CSMD1: variants seen among roughly 807,000 people sequenced by gnomAD.
The protein encoded by CSMD1 is CUB and sushi domain-containing protein 1.
A neutral mutation model predicts 417.5 loss-of-function variants in CSMD1; 213 were observed. That is an observed-to-expected ratio of 0.51 (90% CI 0.46 to 0.57). The LOEUF is 0.57. CSMD1 is among the 20% of genes least tolerant of loss of function. The pLI is 0.00. For synonymous variants in CSMD1, 2,862 were observed against 1,736.8 expected, an observed-to-expected ratio of 1.65 and a Z score of -16.11; for missense variants, 6,923 against 4,529.7, an observed-to-expected ratio of 1.53 and a Z score of -15.17.
chr8:2,973,665 A>G (rs1437280739), intron 56 of CSMD1, among the ~76,000 whole-genome samples: 18 of 114,206 alleles, frequency 1.6e-4, no homozygotes, highest in South Asian at 5.5e-4. Flanking sequence ...GAATGTGGGG[A>G]AAAAAAAAAA....
chr8:4,804,490 G>C (rs1262926576), intron 1 of CSMD1, among the ~76,000 whole-genome samples: 1 of 150,060 alleles, frequency 6.7e-6, no homozygotes, highest in Non-Finnish European at 1.5e-5. Context: ...AGGGATTCCT[G>C]ACTGACTTTA....
intron 1 of CSMD1, among the ~76,000 whole-genome samples, chr8:4,700,407 G>C (rs900785281): frequency 2.0e-5 from 3 of 152,066 alleles, no homozygotes; most frequent in Middle Eastern, 3.4e-3. Context: ...GCTTTTACAA[G>C]TTTTATACTT....
At chr8:2,968,640 A>C (rs1419133072) in intron 57 of CSMD1, among the ~76,000 whole-genome samples, 2 of 152,188 alleles carry the variant, frequency 1.3e-5, no homozygotes, top group Non-Finnish European at 2.9e-5. Context: ...TATGAAAATG[A>C]CTAGAAGGCA....
In CSMD1 at chr8:4,787,578, C is replaced by G. The variant is rs983038075; in HGVS notation, c.86-150020G>C. The G allele has an allele frequency of 2.0e-6, 3 of 1,504,604 alleles. No individual in the cohort carries two copies. In the East Asian group the frequency reaches 6.8e-5, roughly 34 times the overall value. 93.2% of individuals were successfully genotyped at this position (1,504,604 alleles called of 1,614,324 possible). ...TGTGGGGAGACAGCTTTCATTGCAC[C>G]CCAGTGCGAAATGATTCCAATTGAA... On this transcript the variant is annotated intron_variant, in intron 1 of 69. Coordinates refer to ENST00000635120, the MANE Select transcript of CSMD1 (RefSeq NM_033225.6).
At chr8:4,006,401 G>C (rs191051198) in intron 4 of CSMD1, among the ~76,000 whole-genome samples, 67 of 152,242 alleles carry the variant, frequency 4.4e-4, no homozygotes, top group Non-Finnish European at 9.0e-4. Context: ...AAAAATAGCT[G>C]GGTGTGGTGG....
intron 34 of CSMD1, 75 bp downstream of exon 34, chr8:3,189,837 G>C (rs891731395): frequency 1.9e-5 from 26 of 1,345,238 alleles, no homozygotes; most frequent in South Asian, 1.0e-4. Flanking sequence ...ACGTAGCCTG[G>C]ATAGAAACAT....
chr8:4,842,929 G>C (rs977119560), intron 1 of CSMD1, among the ~76,000 whole-genome samples: 4 of 152,206 alleles, frequency 2.6e-5, no homozygotes, highest in African/African-American at 9.6e-5. Flanking sequence ...TATAATCCTG[G>C]ATGACCAGTG....
intron 2 of CSMD1, among the ~76,000 whole-genome samples, chr8:4,536,344 T>G (rs1049183529): frequency 2.0e-5 from 3 of 152,224 alleles, no homozygotes; most frequent in African/African-American, 7.2e-5. Flanking sequence ...ATTTCCTGTG[T>G]GTAATATTTA....
At chr8:4,076,827 G>A (rs775602008) in intron 3 of CSMD1, among the ~76,000 whole-genome samples, 2 of 152,068 alleles carry the variant, frequency 1.3e-5, no homozygotes, top group Non-Finnish European at 2.9e-5. Flanking sequence ...CCATGCCTTT[G>A]CTTTAACTGC....
At chr8:4,241,928 G>A (rs936304459) in intron 3 of CSMD1, among the ~76,000 whole-genome samples, 2 of 152,174 alleles carry the variant, frequency 1.3e-5, no homozygotes, top group Non-Finnish European at 2.9e-5. Context: ...ATTTTATACT[G>A]TCCTACCAAT....
rs936439196 is a variant in CSMD1 at position 4,218,619 on chromosome 8, A to G, written c.416-186520T>C. ...AGTTGCTTAATTTCAATAAAATCAT[A>G]TACTGTTTCATACCGACAGTGATTT... On this transcript the variant is annotated intron_variant, in intron 3 of 69. Coordinates refer to ENST00000635120, the MANE Select transcript of CSMD1 (RefSeq NM_033225.6). 2.6e-5 allele frequency among the ~76,000 whole-genome samples: 4 copies of G among 152,330 alleles called. No individual in the cohort carries two copies. The East Asian group carries it at 5.8e-4, about 22-fold the overall frequency.
At chr8:4,331,918 G>A (rs1188878928) in intron 3 of CSMD1, among the ~76,000 whole-genome samples, 1 of 152,044 alleles carries the variant, frequency 6.6e-6, no homozygotes, top group Non-Finnish European at 1.5e-5. Flanking sequence ...ACATCGTAAT[G>A]ATTTTTTTAC....
chr8:4,704,567 A>G (rs1450787331), intron 1 of CSMD1, among the ~76,000 whole-genome samples: 5 of 152,156 alleles, frequency 3.3e-5, no homozygotes, highest in Non-Finnish European at 7.3e-5. Flanking sequence ...ATTACAGAAC[A>G]TTTTCAACCA....
intron 2 of CSMD1, among the ~76,000 whole-genome samples, chr8:4,622,191 T>C (rs1371069859): frequency 8.3e-5 from 12 of 144,854 alleles, no homozygotes; most frequent in Admixed American, 8.2e-4. Flanking sequence ...AAAAAAAGAA[T>C]GGCAGACATA....
chr8:2,999,800 G>C (rs1807238168), intron 53 of CSMD1, among the ~76,000 whole-genome samples, 158 bp downstream of exon 53: 1 of 151,862 alleles, frequency 6.6e-6, no homozygotes, highest in Admixed American at 6.6e-5. Flanking sequence ...GCGTGAACAT[G>C]GCACCTCTCC....
intron 10 of CSMD1, among the ~76,000 whole-genome samples, chr8:3,557,461 T>C (rs141862262): frequency 5.9e-5 from 9 of 152,338 alleles, no homozygotes; most frequent in East Asian, 1.9e-4. Context: ...GTTTTAGACA[T>C]AGGCTTCCTT....
chr8:3,268,805 A>G (rs772752508), intron 26 of CSMD1, among the ~76,000 whole-genome samples: 1 of 152,260 alleles, frequency 6.6e-6, no homozygotes, highest in South Asian at 2.1e-4. Context: ...TTTTATGCCC[A>G]GGGTCCTGGG....
At chr8:4,768,526 T>C (rs1242266514) in intron 1 of CSMD1, among the ~76,000 whole-genome samples, 3 of 152,220 alleles carry the variant, frequency 2.0e-5, no homozygotes, top group African/African-American at 7.2e-5. Flanking sequence ...TGAAACTCTG[T>C]GGTAATCATT....
At chr8:3,306,046 G>A (rs1804813163) in intron 25 of CSMD1, among the ~76,000 whole-genome samples, 1 of 152,046 alleles carries the variant, frequency 6.6e-6, no homozygotes, top group Non-Finnish European at 1.5e-5. Flanking sequence ...TTCTAGATAT[G>A]CTTTAATTGT....
Sources: gnomAD v4.1 joint callset for allele counts (sites outside exome capture counted in the v4.1 genomes callset) on GRCh38, gnomAD v4.1.1 for gene constraint, MANE v1.5 for transcripts, NCBI Gene and HGNC (gene_info 2026-07-23, HGNC 2026-07-21) for gene names.